The following CADM2 variants were observed in gnomAD, a reference collection of about 807,000 sequenced individuals.
The protein encoded by CADM2 is immunoglobulin superfamily member 4D.
Under a neutral mutation model 49.8 loss-of-function variants are expected in CADM2, and 12 were observed. That is an observed-to-expected ratio of 0.24 (90% confidence interval 0.15 to 0.39). The LOEUF (loss-of-function observed/expected upper bound fraction) is 0.39, where lower values mean the gene tolerates loss of function less well. Among genes scored for constraint, CADM2 ranks in the 10% least tolerant of loss-of-function variants. The pLI is 1.00. For missense variants in CADM2, 378 were observed against 492.3 expected (o/e 0.77, Z 2.20); for synonymous variants, 214 against 175.4 (o/e 1.22, Z -1.74).
At chr3:85,782,295 T>C (rs185416412) in intron 2 of CADM2, among the ~76,000 whole-genome samples, 1 of 152,316 alleles carries the variant, frequency 6.6e-6, no homozygotes, top group East Asian at 1.9e-4. Context: ...ATTTTTTCTG[T>C]AACTTTTTAA....
chr3:85,862,089 T>C (rs2075557960), intron 3 of CADM2, among the ~76,000 whole-genome samples: 2 of 152,090 alleles, frequency 1.3e-5, no homozygotes, highest in Admixed American at 6.6e-5. Context: ...CTATTTTCAC[T>C]AAGGTCAGAT....
At chr3:85,767,766 A>G (rs2069730222) in intron 2 of CADM2, among the ~76,000 whole-genome samples, 2 of 152,176 alleles carry the variant, frequency 1.3e-5, no homozygotes, top group African/African-American at 4.8e-5. Context: ...AAAGTGGGTT[A>G]CAGAAGGACA....
intron 3 of CADM2, among the ~76,000 whole-genome samples, chr3:85,865,659 A>G (rs902166857): frequency 3.3e-5 from 5 of 152,232 alleles, no homozygotes; most frequent in African/African-American, 9.6e-5. Flanking sequence ...AAAATTTTTG[A>G]AAAGCTTATA....
chr3:84,980,626 T>C (rs1447750827), intron 1 of CADM2, among the ~76,000 whole-genome samples: 1 of 152,194 alleles, frequency 6.6e-6, no homozygotes, highest in Non-Finnish European at 1.5e-5. Context: ...TTCAGGTTAC[T>C]GGTACAGAGA....
At chr3:86,059,550 A>G (rs1212472088) in intron 8 of CADM2, among the ~76,000 whole-genome samples, 6 of 152,198 alleles carry the variant, frequency 3.9e-5, no homozygotes, top group African/African-American at 1.2e-4. Context: ...ATTTACTCCA[A>G]CATTAACAGG....
chr3:86,008,053 A>T (rs1163311448), intron 8 of CADM2, among the ~76,000 whole-genome samples: 1 of 152,208 alleles, frequency 6.6e-6, no homozygotes, highest in Non-Finnish European at 1.5e-5. Flanking sequence ...TAGATTCATG[A>T]TGTCATGAAA....
At chr3:85,401,804 T>C (rs180831913) in intron 1 of CADM2, among the ~76,000 whole-genome samples, 1 of 152,118 alleles carries the variant, frequency 6.6e-6, no homozygotes, top group East Asian at 1.9e-4. Context: ...TAAGCTGGGA[T>C]TTGGGGCTTA....
chr3:85,660,874 A>G (rs1048255038), intron 1 of CADM2, among the ~76,000 whole-genome samples: 1 of 151,484 alleles, frequency 6.6e-6, no homozygotes, highest in African/African-American at 2.4e-5. Flanking sequence ...TAAAATCGTG[A>G]CTTCTAGTCC....
chr3:85,591,017 C>T (rs1026030572), intron 1 of CADM2, among the ~76,000 whole-genome samples: 1 of 151,210 alleles, frequency 6.6e-6, no homozygotes, highest in African/African-American at 2.4e-5. Flanking sequence ...TTTGCAGTAT[C>T]TTTTGTGAGG....
chr3:85,579,286 G>A (rs968879774), intron 1 of CADM2, among the ~76,000 whole-genome samples: 5 of 152,046 alleles, frequency 3.3e-5, no homozygotes, highest in South Asian at 2.1e-4. Context: ...TTTATTGCAG[G>A]TGATTGAATC....
intron 1 of CADM2, among the ~76,000 whole-genome samples, chr3:85,150,036 A>C (rs2039873447): frequency 6.6e-6 from 1 of 152,234 alleles, no homozygotes; most frequent in Admixed American, 6.5e-5. Context: ...AGTGAAGGTT[A>C]AGGTTAACTT....
chr3:85,611,923 G>A (rs1050012787), intron 1 of CADM2, among the ~76,000 whole-genome samples: 2 of 151,696 alleles, frequency 1.3e-5, no homozygotes, highest in Non-Finnish European at 2.9e-5. Flanking sequence ...TAGAGAAGAG[G>A]CCCTAAGTTT....
chr3:84,978,348 A>G (rs1054847539), intron 1 of CADM2, among the ~76,000 whole-genome samples: 2 of 152,100 alleles, frequency 1.3e-5, no homozygotes, highest in Non-Finnish European at 2.9e-5. Flanking sequence ...AAATATAATT[A>G]TCTTGTGTTA....
chr3:86,062,125 A>T (rs1319453275), intron 8 of CADM2, among the ~76,000 whole-genome samples: 3 of 152,154 alleles, frequency 2.0e-5, no homozygotes, highest in Non-Finnish European at 4.4e-5. Context: ...AGGTGCAGAG[A>T]TGTATGAACA....
At chr3:85,724,549 A>G (rs1456647812) in intron 1 of CADM2, among the ~76,000 whole-genome samples, 2 of 151,998 alleles carry the variant, frequency 1.3e-5, no homozygotes, top group Non-Finnish European at 2.9e-5. Flanking sequence ...TACTTCATAT[A>G]AACTACATAA....
chr3:85,477,293 T>C (rs946990205), intron 1 of CADM2, among the ~76,000 whole-genome samples: 1 of 148,818 alleles, frequency 6.7e-6, no homozygotes, highest in African/African-American at 2.5e-5. Flanking sequence ...TATTAGTTAT[T>C]TATAGAAAAT....
At chr3:85,224,107 G>A (rs1199431013) in intron 1 of CADM2, among the ~76,000 whole-genome samples, 1 of 152,006 alleles carries the variant, frequency 6.6e-6, no homozygotes, top group Non-Finnish European at 1.5e-5. Context: ...ATAATCCTTT[G>A]GGTATATACC....
intron 1 of CADM2, among the ~76,000 whole-genome samples, chr3:85,113,859 G>T (rs968448521): frequency 1.3e-5 from 2 of 152,042 alleles, no homozygotes; most frequent in Middle Eastern, 3.4e-3. Context: ...TTCATCATAA[G>T]TCTCTTTCAA....
At position 85,289,886 on chromosome 3, in the gene CADM2, T is replaced by A. The variant is rs1453846116; in HGVS notation, c.61+330218T>A. ...CTCTTAAACATCAGGATATTAGATATGTTAAATAAATTAACTAAGGTTATA... is the reference window on the plus strand; with the variant it reads ...CTCTTAAACATCAGGATATTAGATAAGTTAAATAAATTAACTAAGGTTATA... On this transcript the variant is annotated intron_variant, in intron 1 of 9. Transcript: ENST00000383699. Among the ~76,000 whole-genome samples, 4 of 152,218 alleles carry A rather than the reference T, an allele frequency of 2.6e-5. No individual in the cohort carries two copies. In the East Asian group the frequency reaches 7.7e-4, roughly 29 times the overall value.
Sources: allele counts gnomAD v4.1 joint callset (sites outside exome capture counted in the v4.1 genomes callset), GRCh38; gene constraint gnomAD v4.1.1; transcripts MANE v1.5; gene names NCBI Gene and HGNC (gene_info 2026-07-23, HGNC 2026-07-21).